TNRC6A: variants seen among roughly 807,000 people sequenced by gnomAD.
The protein encoded by TNRC6A is trinucleotide repeat-containing gene 6A protein.
Under a neutral mutation model 221.2 loss-of-function variants are expected in TNRC6A, and 44 were observed. That is an observed-to-expected ratio of 0.20 (90% CI 0.16 to 0.26). The LOEUF (loss-of-function observed/expected upper bound fraction) is 0.26. Among genes scored for constraint, TNRC6A ranks in the 10% least tolerant of loss-of-function variants. TNRC6A has a pLI of 1.00. For synonymous variants in TNRC6A, 847 were observed against 838.5 expected (o/e 1.01, Z -0.18); for missense variants, 2,199 against 2,404.4 (o/e 0.91, Z 1.79).
intron 4 of TNRC6A, among the ~76,000 whole-genome samples, chr16:24,768,470 A>G (rs1413877960): frequency 6.6e-6 from 1 of 152,014 alleles, no homozygotes; most frequent in African/African-American, 2.4e-5. Flanking sequence ...TTGCAATGAA[A>G]GATACTTAGG....
chr16:24,815,539 A>G (rs2058638694), intron 19 of TNRC6A: 2 of 525,318 alleles, frequency 3.8e-6, no homozygotes, highest in South Asian at 4.1e-5. Flanking sequence ...AGTGAGCCCC[A>G]TTGACCAGCA....
intron 2 of TNRC6A, chr16:24,670,892 C>A: frequency 3.7e-6 from 1 of 268,122 alleles, no homozygotes; most frequent in Non-Finnish European, 8.2e-6. Flanking sequence ...TTTCTCTCAC[C>A]TCCCCCACTC....
At chr16:24,763,611 C>T (rs1433293964) in intron 4 of TNRC6A, among the ~76,000 whole-genome samples, 2 of 152,174 alleles carry the variant, frequency 1.3e-5, no homozygotes, top group East Asian at 3.9e-4. Flanking sequence ...TTATTCTAAA[C>T]TCAGGTTTCA....
upstream of TNRC6A, among the ~76,000 whole-genome samples, chr16:24,726,505 C>T (rs1388201389): frequency 6.6e-6 from 1 of 152,060 alleles, no homozygotes; most frequent in Non-Finnish European, 1.5e-5. Flanking sequence ...AAGATGAGGA[C>T]AGACATGTTT....
chr16:24,725,538 CT>C (rs1052964263), upstream of TNRC6A, among the ~76,000 whole-genome samples: 1 of 152,056 alleles, frequency 6.6e-6, no homozygotes, highest in Non-Finnish European at 1.5e-5. Context: ...TCCTCTCCCC[CT>C]CCCCAGCTCC....
intron 2 of TNRC6A, among the ~76,000 whole-genome samples, chr16:24,641,302 T>G (rs533256217): frequency 6.6e-6 from 1 of 152,318 alleles, no homozygotes; most frequent in East Asian, 1.9e-4. Flanking sequence ...CCAGCCATTC[T>G]GCGACCCATG....
intron 2 of TNRC6A, among the ~76,000 whole-genome samples, chr16:24,646,554 T>C (rs1368047778): frequency 6.6e-6 from 1 of 152,214 alleles, no homozygotes; most frequent in East Asian, 1.9e-4. Context: ...GAAACATCAG[T>C]CTCTTGTTTT....
chr16:24,771,714 TCTG>T (rs1206512924), intron 4 of TNRC6A, among the ~76,000 whole-genome samples: 1 of 152,062 alleles, frequency 6.6e-6, no homozygotes, highest in African/African-American at 2.4e-5. Flanking sequence ...ACTACAGACA[TCTG>T]CTGCTGTGCC....
At chr16:24,754,814 C>T (rs907183543) in intron 3 of TNRC6A, among the ~76,000 whole-genome samples, 2 of 152,156 alleles carry the variant, frequency 1.3e-5, no homozygotes, top group African/African-American at 4.8e-5. Context: ...GTTGGGATCT[C>T]TTGGTGTTGA....
At chr16:24,733,934 G>A (rs1301626344) in intron 2 of TNRC6A, among the ~76,000 whole-genome samples, 1 of 152,220 alleles carries the variant, frequency 6.6e-6, no homozygotes, top group Non-Finnish European at 1.5e-5. Context: ...CCAGCACTTT[G>A]GGAGGCCAAG....
At chr16:24,622,817 A>T (rs543557679) in intron 1 of TNRC6A, among the ~76,000 whole-genome samples, 2 of 152,338 alleles carry the variant, frequency 1.3e-5, no homozygotes, top group Admixed American at 1.3e-4. Context: ...AACTACCATT[A>T]TTATCATGAT....
At chr16:24,748,755 A>C (rs920072536) in intron 2 of TNRC6A, among the ~76,000 whole-genome samples, 1 of 152,080 alleles carries the variant, frequency 6.6e-6, no homozygotes, top group Non-Finnish European at 1.5e-5. Context: ...TTTCTTAGGC[A>C]CTTGTCTTTC....
rs775160682 is a variant in TNRC6A at position 24,777,004 on chromosome 16, A to T, written c.235A>T (p.Thr79Ser). 4 of 1,614,120 alleles carry T rather than the reference A, an allele frequency of 2.5e-6. No homozygotes were observed. The highest frequency in any genetic ancestry group is 3.4e-6 in the Non-Finnish European group (4 of 1,180,028). Residue 79 changes from threonine (T) to serine (S), a missense_variant, in exon 5 of 25, where the codon ACC becomes TCC. Thr to Ser is a moderately conservative substitution (Grantham distance 58). This residue lies in a region of TNRC6A where 1,405 missense variants were observed against 1,400.2 expected (regional missense o/e 1.00). Transcript: ENST00000395799. ...ANSNNGTSTA[T>S]STNNNAKRAT... ...CTCTAATAACGGCACTTCCACAGCA[A>T]CCAGCACTAATAATAATGCCAAGCG...
Position 24,805,688 on chromosome 16 carries a change from C to G in TNRC6A, c.4206C>G (p.Asn1402Lys), listed in dbSNP as rs749696368. 2 of 1,614,218 alleles carry G rather than the reference C, an allele frequency of 1.2e-6. No homozygotes were observed. Among genetic ancestry groups the G allele is most frequent in the East Asian group, 2.2e-5 (1 of 44,880 alleles). ...LFGPQQVAML[N>K]QLSQLNQLSQ... ...GCCCTCAACAGGTAGCCATGCTGAA[C>G]CAGCTATCCCAGCTAAACCAGCTTT... The change falls in exon 15 of 25, where the codon AAC (asparagine) becomes AAG (lysine). Residue 1402 changes from asparagine (N) to lysine (K), a missense_variant. Coordinates refer to ENST00000395799, the MANE Select transcript of TNRC6A (RefSeq NM_014494.4).
chr16:24,675,877 G>A (rs892334603), intron 2 of TNRC6A, among the ~76,000 whole-genome samples: 2 of 151,152 alleles, frequency 1.3e-5, no homozygotes. Flanking sequence ...TCTGTCTGCT[G>A]GAGGTTACAC....
chr16:24,772,328 G>A (rs1163664998), intron 4 of TNRC6A, among the ~76,000 whole-genome samples: 2 of 152,100 alleles, frequency 1.3e-5, no homozygotes, highest in Non-Finnish European at 2.9e-5. Context: ...ATTTAAATGC[G>A]ATTAGATTTA....
chr16:24,647,261 T>C (rs1089665), intron 2 of TNRC6A, among the ~76,000 whole-genome samples: 19,815 of 152,164 alleles, frequency 0.13, 2,068 homozygotes, highest in African/African-American at 0.29. Context: ...TTCCTCATAA[T>C]TTTCTAACAA....
At chr16:24,685,543 T>A (rs2055609859) in intron 2 of TNRC6A, among the ~76,000 whole-genome samples, 1 of 152,160 alleles carries the variant, frequency 6.6e-6, no homozygotes, top group African/African-American at 2.4e-5. Context: ...CTCACTTTAT[T>A]GCCCAAGCTG....
intron 2 of TNRC6A, among the ~76,000 whole-genome samples, chr16:24,750,098 C>CCACTG (rs1284145231): frequency 6.6e-6 from 1 of 152,168 alleles, no homozygotes; most frequent in Non-Finnish European, 1.5e-5. Context: ...AGAGATCATG[C>CCACTG]CACTGCATTC....
Sources: allele counts gnomAD v4.1 joint callset (sites outside exome capture counted in the v4.1 genomes callset), GRCh38; gene constraint gnomAD v4.1.1; regional missense constraint gnomAD v4.1.1; transcripts MANE v1.5; gene names NCBI Gene and HGNC (gene_info 2026-07-23, HGNC 2026-07-21).